The following MFAP3 variants were observed in gnomAD, a reference collection of about 807,000 sequenced individuals.
MFAP3 encodes the protein microfibril-associated glycoprotein 3.
MFAP3 carries 8 observed loss-of-function variants against 20.5 expected under a neutral mutation model. The observed-to-expected ratio is 0.39, with a 90% confidence interval of 0.23 to 0.70. The LOEUF (loss-of-function observed/expected upper bound fraction) is 0.70. MFAP3 is among the 30% of genes least tolerant of loss of function. MFAP3 has a pLI of 0.44. For synonymous variants in MFAP3, 140 were observed against 154.0 expected (o/e 0.91, Z 0.67); for missense variants, 398 against 444.6 (o/e 0.90, Z 0.94).
At position 154,053,992 on chromosome 5, in the gene MFAP3, A is replaced by G. The variant is rs1773270190; in HGVS notation, c.*279A>G. ...TGATGGGGAAAAGCACTGAACTAAG[A>G]GTCCCATGGTTTCTCTTCTGGTCAC... On this transcript the variant is annotated 3_prime_UTR_variant, in exon 3 of 3. Coordinates refer to ENST00000522782, the MANE Select transcript of MFAP3 (RefSeq NM_005927.5). 2.9e-6 allele frequency: 1 copy of G among 349,192 alleles called. No homozygotes were observed. The highest frequency in any genetic ancestry group is 5.0e-5 in the South Asian group (1 of 19,850). 21.6% of individuals were successfully genotyped at this position (349,192 alleles called of 1,614,324 possible). A position where few individuals can be genotyped will look rare whatever the true frequency, so the allele number is the denominator to read the frequency against.
chr5:154,049,845 T>G lies in MFAP3; in HGVS notation c.123T>G (p.Asn41Lys). The stretch of plus-strand genomic sequence containing the variant: ...TGGAAGCAAATCGTAGTTCTTACAA[T>G]GCATCCTTTCCCTCAAGCTTTGAAC... Reference protein sequence around the residue: ...VSLEANRSSYNASFPSSFELS... With the variant: ...VSLEANRSSYKASFPSSFELS... Residue 41 changes from asparagine (N) to lysine (K), a missense_variant, in exon 2 of 3, where the codon AAT becomes AAG. Physicochemically the swap from Asn to Lys is moderately conservative, Grantham distance 94. Coordinates refer to ENST00000522782, the MANE Select transcript of MFAP3 (RefSeq NM_005927.5). 5 of 1,613,758 alleles carry G rather than the reference T, an allele frequency of 3.1e-6. No individual in the cohort carries two copies. Among genetic ancestry groups the G allele is most frequent in the Non-Finnish European group, 4.2e-6 (5 of 1,179,726 alleles).
intron 1 of MFAP3, among the ~76,000 whole-genome samples, chr5:154,041,590 T>C (rs1178764517): frequency 2.6e-5 from 4 of 152,242 alleles, no homozygotes; most frequent in Admixed American, 1.3e-4. Flanking sequence ...AATCTATTCT[T>C]GGAGAATTAC....
chr5:154,053,803 G>C lies in MFAP3; in HGVS notation c.*90G>C. The C allele has an allele frequency of 1.6e-6, 2 of 1,218,026 alleles. No homozygotes were observed. The highest frequency in any genetic ancestry group is 2.0e-4 in the Middle Eastern group (1 of 4,980). 75.5% of individuals were successfully genotyped at this position (1,218,026 alleles called of 1,614,324 possible). The stretch of plus-strand genomic sequence containing the variant: ...AGAAGAAGTAACATTTTTGCCAAAA[G>C]ATGACTGGGGTTTTCCGTTTGTTAA... On this transcript the variant is annotated 3_prime_UTR_variant, in exon 3 of 3. Transcript: ENST00000522782.
intron 1 of MFAP3, among the ~76,000 whole-genome samples, chr5:154,043,395 C>T (rs918526589): frequency 1.1e-4 from 16 of 151,972 alleles, no homozygotes; most frequent in African/African-American, 3.6e-4. Flanking sequence ...ACTAAAAATA[C>T]AAAAAATTAG....
chr5:154,042,401 A>T (rs1561587546), intron 1 of MFAP3, among the ~76,000 whole-genome samples: 1 of 152,208 alleles, frequency 6.6e-6, no homozygotes, highest in African/African-American at 2.4e-5. Flanking sequence ...GCCAGAAGAT[A>T]TGTTGAAGTT....
chr5:154,053,509 A>AC lies in MFAP3; in HGVS notation c.887dup (p.Gly297ArgfsTer6). 6.2e-7 allele frequency: 1 copy of AC among 1,613,846 alleles called. No individual in the cohort carries two copies. The highest frequency in any genetic ancestry group is 1.3e-5 in the African/African-American group (1 of 75,026). ...ACCCAGAGATGGGACGGAGTAATTCACCAGGAGGAGATTCAGATGATGGCT... is the reference window on the plus strand; with the variant it reads ...ACCCAGAGATGGGACGGAGTAATTCACCCAGGAGGAGATTCAGATGATGGCT... On this transcript the variant is annotated frameshift_variant, in exon 3 of 3. Transcript: ENST00000522782. LOFTEE classifies it high-confidence loss of function.
chr5:154,047,899 G>A (rs1212832533), intron 1 of MFAP3, among the ~76,000 whole-genome samples: 2 of 152,136 alleles, frequency 1.3e-5, no homozygotes, highest in Non-Finnish European at 2.9e-5. Flanking sequence ...TCACCGTTGA[G>A]AACCACTAAT....
At chr5:154,052,436 A>T (rs1364357958) in intron 2 of MFAP3, among the ~76,000 whole-genome samples, 1 of 152,070 alleles carries the variant, frequency 6.6e-6, no homozygotes, top group African/African-American at 2.4e-5. Context: ...ATGGAAAGTG[A>T]GCAAACACAG....
Position 154,050,029 on chromosome 5 carries a change from G to A in MFAP3, c.295+12G>A, listed in dbSNP as rs1773151495. ...TGGCAGAAGCAGAGGTAATTGGTCA[G>A]GGTATAATTAATCAAGGTTACTCAT... is the stretch of plus-strand genomic sequence containing the variant. On this transcript the variant is annotated intron_variant, in intron 2 of 2. Coordinates refer to ENST00000522782, the MANE Select transcript of MFAP3 (RefSeq NM_005927.5). 2.5e-6 allele frequency: 4 copies of A among 1,574,346 alleles called. No homozygotes were observed. The Admixed American group carries it at 5.5e-5, about 22-fold the overall frequency.
rs1477034806 is a variant in MFAP3 at position 154,053,264 on chromosome 5, A to G, written c.640A>G (p.Thr214Ala). ...TATCCCCATCATTACCTCAGCCAAA[A>G]CTCTGGAGCTCGCCAAAGTCACACA... ...KRIPIITSAKTLELAKVTQFK... is the reference protein window; with the variant it reads ...KRIPIITSAKALELAKVTQFK... The change falls in exon 3 of 3, where the codon ACT becomes GCT. Residue 214 changes from threonine to alanine, a missense_variant. Coordinates refer to ENST00000522782, the MANE Select transcript of MFAP3 (RefSeq NM_005927.5). 1 of 1,613,690 alleles carries G rather than the reference A, an allele frequency of 6.2e-7. No individual in the cohort carries two copies. Among genetic ancestry groups the G allele is most frequent in the Non-Finnish European group, 8.5e-7 (1 of 1,179,888 alleles).
At position 154,053,109 on chromosome 5, in the gene MFAP3, C is replaced by T; in HGVS notation, c.485C>T (p.Thr162Ile). 1 of 1,613,842 alleles carries T rather than the reference C, an allele frequency of 6.2e-7. No individual in the cohort carries two copies. The highest frequency in any genetic ancestry group is 8.5e-7 in the Non-Finnish European group (1 of 1,179,860). The change falls in exon 3 of 3, where the codon ACA (threonine) becomes ATA (isoleucine). Residue 162 changes from threonine (T) to isoleucine (I), a missense_variant. Coordinates refer to ENST00000522782, the MANE Select transcript of MFAP3 (RefSeq NM_005927.5). ...MIVCLIAFTI[T>I]LILNVTRLCM... Reference sequence around the variant, plus strand: ...GTTTGCCTGATTGCCTTTACAATCACACTCATCTTGAATGTCACACGGCTG... The same window carrying T: ...GTTTGCCTGATTGCCTTTACAATCATACTCATCTTGAATGTCACACGGCTG...
chr5:154,044,205 G>GT (rs1025747640), intron 1 of MFAP3, among the ~76,000 whole-genome samples: 2 of 152,216 alleles, frequency 1.3e-5, no homozygotes, highest in African/African-American at 4.8e-5. Context: ...CTGAGCTGTA[G>GT]TTTTAAAGTC....
rs1271548600 is a variant in MFAP3 at position 154,055,692 on chromosome 5, A to C, written c.*1979A>C. 6.6e-6 allele frequency among the ~76,000 whole-genome samples: 1 copy of C among 152,074 alleles called. No homozygotes were observed. The highest frequency in any genetic ancestry group is 1.5e-5 in the Non-Finnish European group (1 of 68,018). Reference sequence around the variant, plus strand: ...AAGATCATAGCTCACTGCAGCCTCCAACTCCTGGGGTCAAGCGATCGTCCT... The same window carrying C: ...AAGATCATAGCTCACTGCAGCCTCCCACTCCTGGGGTCAAGCGATCGTCCT... On this transcript the variant is annotated 3_prime_UTR_variant, in exon 3 of 3. Transcript: ENST00000522782.
chr5:154,043,260 G>C (rs1327225847), intron 1 of MFAP3, among the ~76,000 whole-genome samples: 1 of 152,092 alleles, frequency 6.6e-6, no homozygotes, highest in Non-Finnish European at 1.5e-5. Flanking sequence ...CTGAAGAAAG[G>C]TAATATAGGC....
intron 1 of MFAP3, among the ~76,000 whole-genome samples, chr5:154,041,132 CAAA>C (rs1176053953): frequency 9.0e-6 from 1 of 111,654 alleles, no homozygotes. Flanking sequence ...ACTGACAGAG[CAAA>C]AAAAAAAAAA....
rs187974907 is a variant in MFAP3, at chr5:154,054,319, T to C, written c.*606T>C. On this transcript the variant is annotated 3_prime_UTR_variant, in exon 3 of 3. Coordinates refer to ENST00000522782, the MANE Select transcript of MFAP3 (RefSeq NM_005927.5). ...TTGCCATGTGGAGCATATAATGATATGTGCAAGATTGAATCTTTTCAATGT... is the reference window on the plus strand; with the variant it reads ...TTGCCATGTGGAGCATATAATGATACGTGCAAGATTGAATCTTTTCAATGT... 4.2e-3 allele frequency: 698 copies of C among 167,420 alleles called. 2 individuals are homozygous for C. The highest frequency in any genetic ancestry group is 6.1e-3 in the Non-Finnish European group (420 of 68,422). 10.4% of individuals were successfully genotyped at this position (167,420 alleles called of 1,614,324 possible). A position where few individuals can be genotyped will look rare whatever the true frequency, so the allele number is the denominator to read the frequency against.
In MFAP3 at chr5:154,049,911, C is replaced by G; in HGVS notation, c.189C>G (p.Ala63=). Residue 63 remains alanine, a synonymous_variant, in exon 2 of 3, where the codon GCC becomes GCG. Transcript: ENST00000522782. The part of the protein sequence containing the change: ...SSHSDDDVII[A]KEGTSVSIEC... ...ACTCGGATGATGATGTCATCATAGC[C>G]AAAGAGGGAACTAGCGTTTCAATTG... The G allele has an allele frequency of 6.2e-7, 1 of 1,613,634 alleles. No homozygotes were observed. The highest frequency in any genetic ancestry group is 8.5e-7 in the Non-Finnish European group (1 of 1,179,692).
chr5:154,041,376 G>C (rs556846896), intron 1 of MFAP3, among the ~76,000 whole-genome samples: 1 of 152,336 alleles, frequency 6.6e-6, no homozygotes, highest in South Asian at 2.1e-4. Flanking sequence ...GTAGATTATA[G>C]GATTTAAGCA....
At position 154,049,651 on chromosome 5, in the gene MFAP3, C is replaced by A; in HGVS notation, c.-72C>A. 1.4e-6 allele frequency: 2 copies of A among 1,429,134 alleles called. No homozygotes were observed. Among genetic ancestry groups the A allele is most frequent in the East Asian group, 2.3e-5 (1 of 43,442 alleles). 88.5% of individuals were successfully genotyped at this position (1,429,134 alleles called of 1,614,324 possible). A position where few individuals can be genotyped will look rare whatever the true frequency, so the allele number is the denominator to read the frequency against. ...TTTCTCTACCAAGCAATAAATTACCCGCTGTGCTTTTGTTGTAGTGTAGAA... is the reference window on the plus strand; with the variant it reads ...TTTCTCTACCAAGCAATAAATTACCAGCTGTGCTTTTGTTGTAGTGTAGAA... On this transcript the variant is annotated 5_prime_UTR_variant, in exon 2 of 3. Transcript: ENST00000522782.
Sources: allele counts gnomAD v4.1 joint callset (sites outside exome capture counted in the v4.1 genomes callset), GRCh38; gene constraint gnomAD v4.1.1; transcripts MANE v1.5; gene names NCBI Gene and HGNC (gene_info 2026-07-23, HGNC 2026-07-21).